Variants in MCPH1 observed in about 807,000 individuals in gnomAD.
The protein encoded by MCPH1 is microcephalin 1.
MCPH1 carries 104 observed loss-of-function variants against 84.5 expected under a neutral mutation model. The ratio of observed to expected loss-of-function variants is 1.23; its 90% CI spans 1.05 to 1.45. The LOEUF (loss-of-function observed/expected upper bound fraction) is 1.45, where lower values mean the gene tolerates loss of function less well. Among genes scored for constraint, MCPH1 ranks in the 40% most tolerant of loss-of-function variants. MCPH1 has a pLI of 0.00. For missense variants in MCPH1, 1,498 were observed against 1,005.7 expected (o/e 1.49, Z -6.62); for synonymous variants, 514 against 366.8 (o/e 1.40, Z -4.58).
At chr8:6,419,158 C>A (rs866848368) in intron 3 of MCPH1, among the ~76,000 whole-genome samples, 1 of 27,378 alleles carries the variant, frequency 3.7e-5, no homozygotes, top group Non-Finnish European at 2.2e-4. Flanking sequence ...CACAGACACA[C>A]ACACACACAC....
chr8:6,511,721 A>T (rs1815140136), intron 12 of MCPH1, among the ~76,000 whole-genome samples: 1 of 152,192 alleles, frequency 6.6e-6, no homozygotes, highest in African/African-American at 2.4e-5. Flanking sequence ...TTAAGCTTTA[A>T]ACCAATGTGT....
intron 12 of MCPH1, among the ~76,000 whole-genome samples, chr8:6,565,748 G>A (rs1826092315): frequency 6.6e-6 from 1 of 152,220 alleles, no homozygotes; most frequent in Non-Finnish European, 1.5e-5. Flanking sequence ...ATAGTGTATG[G>A]AGAGGGAGAG....
chr8:6,608,492 G>T lies in MCPH1; in HGVS notation c.2215-12962G>T, dbSNP rs76634392. Among the ~76,000 whole-genome samples, 1,008 of 152,280 alleles carry T rather than the reference G, an allele frequency of 6.6e-3. 44 individuals carry two copies. In the East Asian group the frequency reaches 0.14, roughly 21 times the overall value. Reference sequence around the variant, plus strand: ...GTTAGAACAGGGACTCAGGGACTCTGTTTTCTTCTCCTGTGCTCAGTGCAG... The same window carrying T: ...GTTAGAACAGGGACTCAGGGACTCTTTTTTCTTCTCCTGTGCTCAGTGCAG... On this transcript the variant is annotated intron_variant, in intron 12 of 13. Coordinates refer to ENST00000344683, the MANE Select transcript of MCPH1 (RefSeq NM_024596.5).
rs541985701 is a variant in MCPH1 at position 6,646,031 on chromosome 8, A to C, written c.*2982A>C. The C allele has an allele frequency of 2.0e-5, 3 of 152,254 alleles. No individual in the cohort carries two copies. Among genetic ancestry groups the C allele is most frequent in the Non-Finnish European group, 4.4e-5 (3 of 68,050 alleles). 9.4% of individuals were successfully genotyped at this position (152,254 alleles called of 1,614,324 possible). On this transcript the variant is annotated 3_prime_UTR_variant, in exon 14 of 14. Coordinates refer to ENST00000344683, the MANE Select transcript of MCPH1 (RefSeq NM_024596.5). ...AAAAGCTGATGCTAAATCTTTTATGAAAATGCAAAGAACCTCTAGTAGACA... is the reference window on the plus strand; with the variant it reads ...AAAAGCTGATGCTAAATCTTTTATGCAAATGCAAAGAACCTCTAGTAGACA...
At position 6,442,059 on chromosome 8, in the gene MCPH1, G is replaced by C. The variant is rs1442034861; in HGVS notation, c.581-8G>C. 6.2e-7 allele frequency: 1 copy of C among 1,606,054 alleles called. No individual in the cohort carries two copies. Among genetic ancestry groups the C allele is most frequent in the Non-Finnish European group, 8.5e-7 (1 of 1,172,926 alleles). ...TTATCTAATGCAGTGTCTTGGTCCT[G>C]TTTTTAGCTTCCCAAATGATTCAGC... On this transcript the variant is annotated splice_polypyrimidine_tract_variant and splice_region_variant and intron_variant, in intron 6 of 13. Transcript: ENST00000344683.
intron 13 of MCPH1, among the ~76,000 whole-genome samples, chr8:6,636,385 A>C (rs1315601515): frequency 6.6e-6 from 1 of 151,640 alleles, no homozygotes; most frequent in Admixed American, 6.6e-5. Flanking sequence ...GATGCCACAC[A>C]ACCACTGATT....
At chr8:6,521,442 G>A (rs768438205) in intron 12 of MCPH1, 1 of 1,428,460 alleles carries the variant, frequency 7.0e-7, no homozygotes, top group South Asian at 1.2e-5. Context: ...AGTTAGTGAA[G>A]GCTATTCTAA....
intron 13 of MCPH1, among the ~76,000 whole-genome samples, chr8:6,629,442 A>G (rs1796996769): frequency 6.6e-6 from 1 of 152,234 alleles, no homozygotes; most frequent in Non-Finnish European, 1.5e-5. Flanking sequence ...AACCTGTGCA[A>G]CAGAGCAAAA....
chr8:6,533,009 A>G (rs17077419), intron 12 of MCPH1, among the ~76,000 whole-genome samples: 44,330 of 152,140 alleles, frequency 0.29, 6,668 homozygotes, highest in Middle Eastern at 0.41. Flanking sequence ...CTTTTAACCT[A>G]CGGAATCACC....
At chr8:6,637,210 C>T (rs372538903) in intron 13 of MCPH1, among the ~76,000 whole-genome samples, 1 of 152,176 alleles carries the variant, frequency 6.6e-6, no homozygotes, top group East Asian at 1.9e-4. Flanking sequence ...CCTTGTGGGA[C>T]TTAACATTTA....
At chr8:6,611,118 T>TCACACA (rs914380537) in intron 12 of MCPH1, among the ~76,000 whole-genome samples, 1 of 139,324 alleles carries the variant, frequency 7.2e-6, no homozygotes, top group African/African-American at 3.0e-5. Context: ...ACACACTCTC[T>TCACACA]CACACACACA....
intron 12 of MCPH1, among the ~76,000 whole-genome samples, chr8:6,553,743 G>A (rs1042001621): frequency 6.6e-6 from 1 of 151,940 alleles, no homozygotes; most frequent in Non-Finnish European, 1.5e-5. Context: ...TCAGGCAGAG[G>A]GGAAATGGCA....
chr8:6,473,309 T>C (rs1331828261), intron 9 of MCPH1, among the ~76,000 whole-genome samples: 1 of 151,162 alleles, frequency 6.6e-6, no homozygotes, highest in Non-Finnish European at 1.5e-5. Flanking sequence ...ATGACAGTTT[T>C]TCTCTCAATC....
At chr8:6,474,279 C>A (rs1469406659) in intron 9 of MCPH1, 3 of 534,546 alleles carry the variant, frequency 5.6e-6, no homozygotes, top group Admixed American at 3.0e-5. Flanking sequence ...TATTTCAATC[C>A]TGATTTTGAT....
chr8:6,419,152 GACACACAC>G (rs1177481281), intron 3 of MCPH1, among the ~76,000 whole-genome samples: 54 of 59,278 alleles, frequency 9.1e-4, no homozygotes, highest in African/African-American at 2.4e-3. Context: ...CACACACACA[GACACACAC>G]ACACACACAC....
intron 12 of MCPH1, among the ~76,000 whole-genome samples, chr8:6,573,358 C>G (rs898739636): frequency 6.6e-6 from 1 of 151,940 alleles, no homozygotes; most frequent in African/African-American, 2.4e-5. Flanking sequence ...ACATCAGGCT[C>G]ATGATGTTAA....
chr8:6,624,182 T>C (rs1831815717), intron 13 of MCPH1, among the ~76,000 whole-genome samples: 2 of 152,248 alleles, frequency 1.3e-5, no homozygotes, highest in Admixed American at 6.5e-5. Flanking sequence ...TCCTGAGGCT[T>C]CGATCCCGCA....
intron 13 of MCPH1, among the ~76,000 whole-genome samples, chr8:6,624,088 G>T (rs763149292): frequency 6.6e-6 from 1 of 152,138 alleles, no homozygotes; most frequent in Non-Finnish European, 1.5e-5. Context: ...ACGCTTGCTC[G>T]GCAGCTGCTC....
At chr8:6,636,599 C>T (rs1797573700) in intron 13 of MCPH1, among the ~76,000 whole-genome samples, 2 of 152,286 alleles carry the variant, frequency 1.3e-5, no homozygotes, top group African/African-American at 4.8e-5. Context: ...CCCACCTCAG[C>T]CTCCGTTGTA....
Sources: allele counts gnomAD v4.1 joint callset (sites outside exome capture counted in the v4.1 genomes callset), GRCh38; gene constraint gnomAD v4.1.1; transcripts MANE v1.5; gene names NCBI Gene and HGNC (gene_info 2026-07-23, HGNC 2026-07-21).